KCTD16: variants seen among roughly 807,000 people sequenced by gnomAD.
KCTD16 encodes the protein BTB/POZ domain-containing protein KCTD16.
In KCTD16, 13 loss-of-function variants were observed where a neutral mutation model predicts 33.2. The observed-to-expected ratio is 0.39, with a 90% CI of 0.25 to 0.62. The LOEUF (loss-of-function observed/expected upper bound fraction) is 0.62, where lower values mean the gene tolerates loss of function less well. KCTD16 is among the 20% of genes least tolerant of loss of function. The pLI, the probability that KCTD16 is intolerant of heterozygous loss-of-function variation, is 0.50. For synonymous variants in KCTD16, 197 were observed against 195.3 expected, an observed-to-expected ratio of 1.01 and a Z score of -0.07; for missense variants, 441 against 525.1, an observed-to-expected ratio of 0.84 and a Z score of 1.57.
At chr5:144,343,376 G>A (rs1374549100) in intron 3 of KCTD16, among the ~76,000 whole-genome samples, 7 of 152,076 alleles carry the variant, frequency 4.6e-5, no homozygotes, top group African/African-American at 1.7e-4. Context: ...AGAGGTGTTT[G>A]TAGTATTCTC....
At chr5:144,257,140 G>A (rs927389513) in intron 3 of KCTD16, among the ~76,000 whole-genome samples, 1 of 152,102 alleles carries the variant, frequency 6.6e-6, no homozygotes, top group Non-Finnish European at 1.5e-5. Flanking sequence ...AGTTTCTAGA[G>A]GGCAGTGATT....
chr5:144,191,409 A>G (rs991419545), intron 2 of KCTD16, among the ~76,000 whole-genome samples: 10 of 152,114 alleles, frequency 6.6e-5, no homozygotes, highest in South Asian at 2.1e-4. Context: ...TGGATAATTG[A>G]CTGTTCTTTT....
intron 3 of KCTD16, among the ~76,000 whole-genome samples, chr5:144,333,723 G>A (rs912678759): frequency 2.0e-5 from 3 of 152,186 alleles, no homozygotes; most frequent in Non-Finnish European, 4.4e-5. Flanking sequence ...AAAGGCAGAG[G>A]AGCAAGAGTG....
chr5:144,471,974 A>C (rs1754486050), intron 3 of KCTD16, among the ~76,000 whole-genome samples: 1 of 152,220 alleles, frequency 6.6e-6, no homozygotes, highest in Admixed American at 6.5e-5. Flanking sequence ...ATGTATGTTT[A>C]AATCATTTAA....
intron 3 of KCTD16, among the ~76,000 whole-genome samples, chr5:144,338,584 AC>A (rs543321866): frequency 1.6e-4 from 24 of 152,190 alleles, no homozygotes; most frequent in African/African-American, 5.5e-4. Flanking sequence ...GAAAGAAAAA[AC>A]CCTGGGGGTT....
Position 144,261,114 on chromosome 5 carries a change from A to G in KCTD16, c.832+53568A>G, listed in dbSNP as rs182200522. 3.6e-3 allele frequency among the ~76,000 whole-genome samples: 552 copies of G among 151,296 alleles called. 2 individuals carry two copies. The highest frequency in any genetic ancestry group is 6.0e-3 in the Non-Finnish European group (404 of 67,842). On this transcript the variant is annotated intron_variant, in intron 3 of 3. Transcript: ENST00000512467. ...GATTTGAGTATCACTGATACAGGCT[A>G]AAAATGAACAAATGAAAGAAGGAGC...
At chr5:144,207,608 G>T (rs1166388338) in intron 3 of KCTD16, 62 bp downstream of exon 3, 2 of 1,201,068 alleles carry the variant, frequency 1.7e-6, no homozygotes, top group Non-Finnish European at 2.4e-6. Flanking sequence ...AATGTATATG[G>T]TCTGTGTGTT....
intron 3 of KCTD16, among the ~76,000 whole-genome samples, chr5:144,241,717 A>G (rs910173237): frequency 2.0e-5 from 3 of 152,192 alleles, no homozygotes; most frequent in Admixed American, 2.0e-4. Context: ...TGAAGCATAA[A>G]TATTTGAACA....
chr5:144,238,124 T>C (rs1174744918), intron 3 of KCTD16, among the ~76,000 whole-genome samples: 2 of 152,168 alleles, frequency 1.3e-5, no homozygotes, highest in Non-Finnish European at 2.9e-5. Flanking sequence ...ATTCTGATTC[T>C]GAAGGTGGGG....
intron 2 of KCTD16, among the ~76,000 whole-genome samples, chr5:144,189,895 C>T (rs1752807543): frequency 6.6e-6 from 1 of 152,086 alleles, no homozygotes; most frequent in Admixed American, 6.5e-5. Context: ...TTTATGTGGC[C>T]TCTGTGTCAG....
chr5:144,188,702 C>T (rs551605440), intron 2 of KCTD16, among the ~76,000 whole-genome samples: 2 of 152,188 alleles, frequency 1.3e-5, no homozygotes, highest in African/African-American at 4.8e-5. Context: ...AGAAATGTAT[C>T]AACAGATAAA....
intron 3 of KCTD16, among the ~76,000 whole-genome samples, chr5:144,372,881 G>A (rs938384558): frequency 2.0e-5 from 3 of 152,164 alleles, no homozygotes; most frequent in Non-Finnish European, 2.9e-5. Context: ...GTAGAAGGGT[G>A]ACAGCTTTAT....
rs762122040 is a variant in KCTD16, at chr5:144,431,925, C to G, written c.833-41735C>G. Among the ~76,000 whole-genome samples the G allele has an allele frequency of 3.5e-4, 53 of 152,066 alleles. 1 individual carries two copies. Among genetic ancestry groups the G allele is most frequent in the Admixed American group, 5.9e-4 (9 of 15,254 alleles). On this transcript the variant is annotated intron_variant, in intron 3 of 3. Coordinates refer to ENST00000512467, the MANE Select transcript of KCTD16 (RefSeq NM_020768.4). ...AAAATGTTAACACCAAACCATGTGT[C>G]TTAGGAATCACAACTAAATTTCCTC...
chr5:144,213,584 A>G (rs1420425058), intron 3 of KCTD16, among the ~76,000 whole-genome samples: 1 of 152,134 alleles, frequency 6.6e-6, no homozygotes, highest in African/African-American at 2.4e-5. Flanking sequence ...AGCTCGTTAG[A>G]TCTAGACTCC....
chr5:144,278,522 G>T (rs1223182313), intron 3 of KCTD16, among the ~76,000 whole-genome samples: 2 of 118,490 alleles, frequency 1.7e-5, no homozygotes, highest in African/African-American at 6.8e-5. Flanking sequence ...ACGGAGTCTC[G>T]CTCTGTCGCC....
At chr5:144,244,043 C>T (rs1341974074) in intron 3 of KCTD16, among the ~76,000 whole-genome samples, 2 of 152,092 alleles carry the variant, frequency 1.3e-5, no homozygotes, top group Non-Finnish European at 2.9e-5. Flanking sequence ...GCGTCCAGCC[C>T]CCCATGAATA....
At chr5:144,335,391 G>A (rs1053397143) in intron 3 of KCTD16, among the ~76,000 whole-genome samples, 1 of 152,218 alleles carries the variant, frequency 6.6e-6, no homozygotes, top group Non-Finnish European at 1.5e-5. Flanking sequence ...AGGTGGGACT[G>A]AGTGGAGACT....
intron 3 of KCTD16, among the ~76,000 whole-genome samples, chr5:144,442,352 T>C (rs1243770324): frequency 6.6e-6 from 1 of 152,118 alleles, no homozygotes; most frequent in Non-Finnish European, 1.5e-5. Context: ...CAGCCTTGTG[T>C]ACCAGATGCC....
rs948741902 is a variant in KCTD16, at chr5:144,485,235, T to C, written c.*11121T>C. ...GTCCCAATGGAATTGCACATCATTT[T>C]GGCAATCATTGGTTCACTCAGAAGG... On this transcript the variant is annotated 3_prime_UTR_variant, in exon 4 of 4. Coordinates refer to ENST00000512467, the MANE Select transcript of KCTD16 (RefSeq NM_020768.4). The C allele has an allele frequency of 2.0e-5, 3 of 151,922 alleles. No individual in the cohort carries two copies. Among genetic ancestry groups the C allele is most frequent in the African/African-American group, 7.2e-5 (3 of 41,416 alleles). The allele number at this position is 151,922 out of a possible 1,614,324, so 9.4% of individuals were successfully genotyped here.
Sources: gnomAD v4.1 joint callset for allele counts (sites outside exome capture counted in the v4.1 genomes callset) on GRCh38, gnomAD v4.1.1 for gene constraint, MANE v1.5 for transcripts, NCBI Gene and HGNC (gene_info 2026-07-23, HGNC 2026-07-21) for gene names.